Variants in NKAIN2 observed in about 807,000 individuals in gnomAD.
NKAIN2 encodes sodium/potassium-transporting ATPase subunit beta-1-interacting protein 2.
In NKAIN2, 14 loss-of-function variants were observed where a neutral mutation model predicts 32.6. The ratio of observed to expected loss-of-function variants is 0.43; its 90% confidence interval spans 0.28 to 0.67. The LOEUF is 0.67. NKAIN2 is among the 30% of genes least tolerant of loss of function. The probability of loss-of-function intolerance (pLI) is 0.17; values close to 1 mark genes in which losing one functional copy is unlikely to be tolerated. For synonymous variants in NKAIN2, 80 were observed against 87.2 expected, an observed-to-expected ratio of 0.92 and a Z score of 0.46; for missense variants, 198 against 258.3, an observed-to-expected ratio of 0.77 and a Z score of 1.60.
At chr6:124,816,551 G>T (rs1009117510) in intron 5 of NKAIN2, among the ~76,000 whole-genome samples, 1 of 152,064 alleles carries the variant, frequency 6.6e-6, no homozygotes, top group African/African-American at 2.4e-5. Flanking sequence ...GGAATTATCT[G>T]TACTTTCTGC....
At chr6:124,291,159 A>G (rs980286170) in intron 2 of NKAIN2, among the ~76,000 whole-genome samples, 1 of 152,102 alleles carries the variant, frequency 6.6e-6, no homozygotes, top group African/African-American at 2.4e-5. Flanking sequence ...TGCAGAATTC[A>G]GGGTTGAAAA....
At chr6:124,247,392 T>G (rs767435463) in intron 1 of NKAIN2, among the ~76,000 whole-genome samples, 15 of 152,134 alleles carry the variant, frequency 9.9e-5, no homozygotes, top group Non-Finnish European at 1.8e-4. Context: ...CAAGAAATGA[T>G]AGTGAAGTGA....
At chr6:124,660,611 G>A (rs1010340356) in intron 4 of NKAIN2, among the ~76,000 whole-genome samples, 1 of 152,186 alleles carries the variant, frequency 6.6e-6, no homozygotes, top group Non-Finnish European at 1.5e-5. Flanking sequence ...TGAAGGAATA[G>A]TTTGAGTAAA....
At chr6:124,767,869 G>C (rs761189902) in intron 4 of NKAIN2, among the ~76,000 whole-genome samples, 5 of 151,994 alleles carry the variant, frequency 3.3e-5, no homozygotes, top group African/African-American at 1.2e-4. Flanking sequence ...TGCAATCTCT[G>C]GGAGAACAGA....
At chr6:123,809,226 A>G (rs1167073284) in intron 1 of NKAIN2, among the ~76,000 whole-genome samples, 1 of 152,174 alleles carries the variant, frequency 6.6e-6, no homozygotes, top group African/African-American at 2.4e-5. Context: ...TTTTTCTGAT[A>G]TAATGAACTC....
chr6:124,005,611 T>G (rs1238447647), intron 1 of NKAIN2, among the ~76,000 whole-genome samples: 1 of 152,194 alleles, frequency 6.6e-6, no homozygotes, highest in Non-Finnish European at 1.5e-5. Context: ...CCTACTTTAT[T>G]TGGCAATAAC....
intron 1 of NKAIN2, among the ~76,000 whole-genome samples, chr6:124,076,396 C>A (rs1783697684): frequency 6.6e-6 from 1 of 152,108 alleles, no homozygotes; most frequent in Admixed American, 6.6e-5. Context: ...CAAGGACCCT[C>A]TTCATTTGTG....
At chr6:123,958,329 T>G (rs1278719552) in intron 1 of NKAIN2, among the ~76,000 whole-genome samples, 2 of 152,216 alleles carry the variant, frequency 1.3e-5, no homozygotes, top group African/African-American at 4.8e-5. Flanking sequence ...TGCATTAGCC[T>G]TATCCCCATG....
At chr6:124,729,123 A>G (rs554151278) in intron 4 of NKAIN2, among the ~76,000 whole-genome samples, 3 of 152,246 alleles carry the variant, frequency 2.0e-5, no homozygotes, top group Non-Finnish European at 4.4e-5. Context: ...GAATTCTACC[A>G]GAAGTATGAG....
At chr6:124,667,571 G>A (rs1772866367) in intron 4 of NKAIN2, among the ~76,000 whole-genome samples, 1 of 151,914 alleles carries the variant, frequency 6.6e-6, no homozygotes, top group Non-Finnish European at 1.5e-5. Flanking sequence ...TAATATTATT[G>A]CCTTTTAGGA....
intron 1 of NKAIN2, among the ~76,000 whole-genome samples, chr6:123,941,348 G>A (rs985875925): frequency 5.3e-5 from 8 of 151,660 alleles, no homozygotes; most frequent in Admixed American, 4.0e-4. Flanking sequence ...AGGTAAACCA[G>A]TCATATAGTC....
intron 1 of NKAIN2, among the ~76,000 whole-genome samples, chr6:124,086,077 A>C (rs1012367389): frequency 6.6e-6 from 1 of 151,738 alleles, no homozygotes; most frequent in Non-Finnish European, 1.5e-5. Flanking sequence ...TATATTGATC[A>C]AATCACTACT....
At chr6:123,995,002 CA>C (rs1562297846) in intron 1 of NKAIN2, among the ~76,000 whole-genome samples, 1 of 152,096 alleles carries the variant, frequency 6.6e-6, no homozygotes, top group Non-Finnish European at 1.5e-5. Flanking sequence ...CTTGGTAAAG[CA>C]ACGTTAAATT....
intron 4 of NKAIN2, among the ~76,000 whole-genome samples, chr6:124,732,609 A>G (rs1290760145): frequency 6.6e-6 from 1 of 152,062 alleles, no homozygotes. Flanking sequence ...AAAAGTAATA[A>G]CTCAAATAAG....
At chr6:123,900,459 G>A (rs564311778) in intron 1 of NKAIN2, among the ~76,000 whole-genome samples, 3 of 147,392 alleles carry the variant, frequency 2.0e-5, no homozygotes, top group South Asian at 2.2e-4. Flanking sequence ...GTGACAGAGC[G>A]AGACTCTGTC....
At chr6:124,535,764 T>C (rs1779688628) in intron 3 of NKAIN2, among the ~76,000 whole-genome samples, 1 of 152,208 alleles carries the variant, frequency 6.6e-6, no homozygotes, top group African/African-American at 2.4e-5. Flanking sequence ...GAGAGATGCC[T>C]GGAGCTCAAC....
intron 3 of NKAIN2, among the ~76,000 whole-genome samples, chr6:124,624,726 T>TAAG (rs1295326959): frequency 9.2e-5 from 14 of 152,312 alleles, no homozygotes; most frequent in African/African-American, 3.1e-4. Context: ...TCAAGAAGTT[T>TAAG]AAGAACAAGA....
intron 4 of NKAIN2, among the ~76,000 whole-genome samples, chr6:124,670,103 A>G (rs999552294): frequency 6.6e-6 from 1 of 152,152 alleles, no homozygotes; most frequent in Non-Finnish European, 1.5e-5. Context: ...TACCAACTCC[A>G]AAATAATCCA....
At chr6:124,617,924 G>A in intron 3 of NKAIN2, among the ~76,000 whole-genome samples, 1 of 152,088 alleles carries the variant, frequency 6.6e-6, no homozygotes, top group East Asian at 1.9e-4. Flanking sequence ...GGGATACCTG[G>A]GCTTGCTTAA....
Sources: gnomAD v4.1 joint callset for allele counts (sites outside exome capture counted in the v4.1 genomes callset) on GRCh38, gnomAD v4.1.1 for gene constraint, MANE v1.5 for transcripts, NCBI Gene and HGNC (gene_info 2026-07-23, HGNC 2026-07-21) for gene names.